RUNX2: variants seen among roughly 807,000 people sequenced by gnomAD.
RUNX2 encodes the protein RUNX family transcription factor 2.
A neutral mutation model predicts 51.7 loss-of-function variants in RUNX2; 10 were observed. The ratio of observed to expected loss-of-function variants is 0.19; its 90% CI spans 0.12 to 0.33. The LOEUF (loss-of-function observed/expected upper bound fraction) is 0.33, where lower values mean the gene tolerates loss of function less well. Ranked by LOEUF, RUNX2 falls within the 10% of genes least tolerant of loss-of-function variation. RUNX2 has a pLI of 1.00. For missense variants in RUNX2, 562 were observed against 691.3 expected (o/e 0.81, Z 2.10); for synonymous variants, 276 against 273.6 (o/e 1.01, Z -0.09).
chr6:45,379,513 A>T (rs1797177993), intron 2 of RUNX2, among the ~76,000 whole-genome samples: 1 of 152,230 alleles, frequency 6.6e-6, no homozygotes, highest in Non-Finnish European at 1.5e-5. Context: ...TGTTTGATCC[A>T]GTTTATCAGG....
intron 2 of RUNX2, among the ~76,000 whole-genome samples, chr6:45,370,828 T>C (rs567544999): frequency 1.1e-4 from 17 of 151,410 alleles, no homozygotes; most frequent in Middle Eastern, 6.9e-3. Flanking sequence ...GACACAGGAG[T>C]TTCTAGCATA....
chr6:45,471,733 C>T (rs563365346), intron 5 of RUNX2, among the ~76,000 whole-genome samples: 11 of 152,206 alleles, frequency 7.2e-5, no homozygotes, highest in South Asian at 2.1e-4. Context: ...CACCGCTGCC[C>T]GGCCAACATT....
intron 6 of RUNX2, among the ~76,000 whole-genome samples, chr6:45,498,802 A>C (rs1487428927): frequency 6.6e-6 from 1 of 152,208 alleles, no homozygotes; most frequent in African/African-American, 2.4e-5. Flanking sequence ...CTAGGATTCT[A>C]GTGCTTGTCC....
intron 5 of RUNX2, among the ~76,000 whole-genome samples, chr6:45,442,629 T>G (rs947464893): frequency 3.9e-5 from 6 of 152,236 alleles, no homozygotes; most frequent in African/African-American, 1.4e-4. Flanking sequence ...CTTTAAATTC[T>G]CTTGCTGTAT....
chr6:45,419,518 T>C (rs537959117), intron 2 of RUNX2, among the ~76,000 whole-genome samples: 155 of 152,230 alleles, frequency 1.0e-3, no homozygotes, highest in Non-Finnish European at 1.9e-3. Flanking sequence ...AGAGTGTGTG[T>C]CCGAGTGCAC....
In RUNX2 at chr6:45,482,757, T is replaced by C. The variant is rs145852685; in HGVS notation, c.686-9184T>C. The stretch of plus-strand genomic sequence containing the variant: ...AGTCTATGGTTTAACCATGTAATTA[T>C]GTCTCTTGAGTAGATTATATTTTTC... On this transcript the variant is annotated intron_variant, in intron 5 of 8. Coordinates refer to ENST00000647337, the MANE Select transcript of RUNX2 (RefSeq NM_001024630.4). 5.0e-3 allele frequency among the ~76,000 whole-genome samples: 764 copies of C among 152,352 alleles called. 5 individuals are homozygous for C. Among genetic ancestry groups the C allele is most frequent in the African/African-American group, 0.018 (732 of 41,588 alleles).
At chr6:45,349,295 G>A (rs1791553032) in intron 2 of RUNX2, among the ~76,000 whole-genome samples, 1 of 151,938 alleles carries the variant, frequency 6.6e-6, no homozygotes, top group Admixed American at 6.6e-5. Flanking sequence ...ACTAAAATAA[G>A]GATTAAGAAA....
At chr6:45,518,361 C>T (rs1430928619) in intron 7 of RUNX2, among the ~76,000 whole-genome samples, 1 of 152,074 alleles carries the variant, frequency 6.6e-6, no homozygotes, top group Non-Finnish European at 1.5e-5. Context: ...TTTTGCATTC[C>T]ATAAGTTGAA....
intron 2 of RUNX2, 50 bp from the exon 3 acceptor site, chr6:45,422,543 C>G: frequency 6.9e-7 from 1 of 1,453,116 alleles, no homozygotes; most frequent in South Asian, 1.2e-5. Context: ...TCCTCCCCCT[C>G]CCCCGGCCAC....
At chr6:45,532,929 G>T (rs6905181) in intron 7 of RUNX2, among the ~76,000 whole-genome samples, 1 of 139,624 alleles carries the variant, frequency 7.2e-6, no homozygotes, top group Non-Finnish European at 1.5e-5. Flanking sequence ...TTTTTTTCAC[G>T]GTCATCAAAA....
At chr6:45,484,850 A>AT (rs893560311) in intron 5 of RUNX2, among the ~76,000 whole-genome samples, 18 of 152,116 alleles carry the variant, frequency 1.2e-4, no homozygotes, top group African/African-American at 3.9e-4. Context: ...GGATCTCATT[A>AT]TTTTTTTCCA....
intron 3 of RUNX2, among the ~76,000 whole-genome samples, chr6:45,429,319 A>G (rs1048943200): frequency 1.1e-4 from 16 of 152,214 alleles, no homozygotes; most frequent in Admixed American, 1.0e-3. Flanking sequence ...GCCACGCAGC[A>G]GGTGTTAAAA....
intron 5 of RUNX2, among the ~76,000 whole-genome samples, chr6:45,450,612 G>T (rs1213135179): frequency 1.3e-5 from 2 of 152,168 alleles, no homozygotes; most frequent in African/African-American, 2.4e-5. Flanking sequence ...GAGGGAACAG[G>T]ATGGAACCTA....
chr6:45,474,534 G>A (rs1799899236), intron 5 of RUNX2, among the ~76,000 whole-genome samples: 1 of 151,976 alleles, frequency 6.6e-6, no homozygotes, highest in African/African-American at 2.4e-5. Flanking sequence ...AACCATCGAT[G>A]TTTGTTCACA....
chr6:45,472,757 C>T (rs952082839), intron 5 of RUNX2, among the ~76,000 whole-genome samples: 2 of 152,096 alleles, frequency 1.3e-5, no homozygotes, highest in African/African-American at 2.4e-5. Flanking sequence ...GTGAAACACC[C>T]GTGGACATCT....
chr6:45,484,783 C>T lies in RUNX2; in HGVS notation c.686-7158C>T, dbSNP rs555532998. 3.9e-5 allele frequency among the ~76,000 whole-genome samples: 6 copies of T among 152,290 alleles called. No individual in the cohort carries two copies. The South Asian group carries it at 6.2e-4, about 16-fold the overall frequency. ...TAAAATTAGTCAACCTGTTCCCTAA[C>T]GCTTCCCTACAAACACACTCCTTCA... On this transcript the variant is annotated intron_variant, in intron 5 of 8. Coordinates refer to ENST00000647337, the MANE Select transcript of RUNX2 (RefSeq NM_001024630.4).
chr6:45,442,116 G>A lies in RUNX2; in HGVS notation c.685+4065G>A, dbSNP rs911241911. On this transcript the variant is annotated intron_variant, in intron 5 of 8. Transcript: ENST00000647337. ...ATCTTTTGCAGTTGTGATTCATCTC[G>A]GTTATAAAACTTCCCTTTAAAGGAA... is the stretch of plus-strand genomic sequence containing the variant. Among the ~76,000 whole-genome samples the A allele has an allele frequency of 2.0e-5, 3 of 152,112 alleles. No individual in the cohort carries two copies. The South Asian group carries it at 6.2e-4, about 32-fold the overall frequency.
chr6:45,449,750 T>A (rs1340831032), intron 5 of RUNX2, among the ~76,000 whole-genome samples: 1 of 152,202 alleles, frequency 6.6e-6, no homozygotes, highest in East Asian at 1.9e-4. Context: ...TTGAATTCAT[T>A]TTAACAGCTG....
chr6:45,346,567 C>CTTTTTTTTTTTTTTTTTTT (rs71745024), intron 2 of RUNX2, among the ~76,000 whole-genome samples: 1 of 140,430 alleles, frequency 7.1e-6, no homozygotes, highest in African/African-American at 2.6e-5. Context: ...ATAAACATTT[C>CTTTTTTTTTTTTTTTTTTT]TTTTTTTTTT....
Sources: gnomAD v4.1 joint callset for allele counts (sites outside exome capture counted in the v4.1 genomes callset) on GRCh38, gnomAD v4.1.1 for gene constraint, MANE v1.5 for transcripts, NCBI Gene and HGNC (gene_info 2026-07-23, HGNC 2026-07-21) for gene names.